AMBRA1: variants seen among roughly 807,000 people sequenced by gnomAD.
AMBRA1 encodes activating molecule in BECN1-regulated autophagy protein 1.
AMBRA1 carries 47 observed loss-of-function variants against 125.4 expected under a neutral mutation model. That is an observed-to-expected ratio of 0.37 (90% CI 0.30 to 0.48). The LOEUF is 0.48. Among genes scored for constraint, AMBRA1 ranks in the 20% least tolerant of loss-of-function variants. The probability of loss-of-function intolerance (pLI) is 0.99; values close to 1 mark genes in which losing one functional copy is unlikely to be tolerated. For missense variants in AMBRA1, 1,331 were observed against 1,693.4 expected (o/e 0.79, Z 3.76); for synonymous variants, 626 against 655.5 (o/e 0.95, Z 0.69).
At chr11:46,591,625 G>T (rs983184180) in intron 1 of AMBRA1, among the ~76,000 whole-genome samples, 4 of 152,078 alleles carry the variant, frequency 2.6e-5, no homozygotes, top group African/African-American at 9.7e-5. Flanking sequence ...GGGAGGCCAA[G>T]GCAGGTGGAT....
intron 13 of AMBRA1, among the ~76,000 whole-genome samples, chr11:46,434,589 T>A (rs1438108249): frequency 6.6e-6 from 1 of 152,228 alleles, no homozygotes; most frequent in East Asian, 1.9e-4. Context: ...TGTCTTGCAG[T>A]GCATGTGTGT....
intron 11 of AMBRA1, among the ~76,000 whole-genome samples, chr11:46,492,731 ATC>A (rs1482494314): frequency 1.3e-5 from 2 of 152,210 alleles, no homozygotes; most frequent in African/African-American, 4.8e-5. Context: ...GCCGAAAAAC[ATC>A]TGTCACTAAG....
chr11:46,543,434 CAAGG>C, intron 6 of AMBRA1, 36 bp from the exon 7 acceptor site: 1 of 1,599,134 alleles, frequency 6.3e-7, no homozygotes, highest in Non-Finnish European at 8.5e-7. Context: ...GGGGGTAGAG[CAAGG>C]CAGTTAGGTA....
intron 11 of AMBRA1, among the ~76,000 whole-genome samples, chr11:46,470,839 T>G (rs1358463143): frequency 6.6e-6 from 1 of 152,160 alleles, no homozygotes; most frequent in Admixed American, 6.6e-5. Context: ...AGACAAATAT[T>G]TGAGTATCTA....
At chr11:46,561,254 G>A (rs959225532) in intron 1 of AMBRA1, among the ~76,000 whole-genome samples, 2 of 151,956 alleles carry the variant, frequency 1.3e-5, no homozygotes, top group East Asian at 1.9e-4. Flanking sequence ...GGTGTCACGC[G>A]CCTGTAATCC....
chr11:46,545,516 C>T, intron 5 of AMBRA1, 88 bp downstream of exon 5: 1 of 1,492,156 alleles, frequency 6.7e-7, no homozygotes, highest in East Asian at 2.3e-5. Context: ...GCAGGGATAA[C>T]AACCTGACTT....
intron 11 of AMBRA1, among the ~76,000 whole-genome samples, chr11:46,463,208 T>A (rs1382897663): frequency 6.6e-6 from 1 of 152,178 alleles, no homozygotes; most frequent in East Asian, 1.9e-4. Context: ...CATTATTCAC[T>A]CCACTTGAGG....
At chr11:46,534,864 G>A (rs1952392696) in intron 7 of AMBRA1, among the ~76,000 whole-genome samples, 1 of 152,180 alleles carries the variant, frequency 6.6e-6, no homozygotes. Flanking sequence ...TGTAGAGATA[G>A]GGTTTCACCA....
In AMBRA1 at chr11:46,543,161, CG is replaced by C. The variant is rs1198982885; in HGVS notation, c.855del (p.Ala286LeufsTer80). 6.4e-7 allele frequency: 1 copy of C among 1,556,288 alleles called. No individual in the cohort carries two copies. On this transcript the variant is annotated frameshift_variant, in exon 7 of 18. Coordinates refer to ENST00000683756, the MANE Select transcript of AMBRA1 (RefSeq NM_001387011.1). LOFTEE classifies it high-confidence loss of function. The part of the protein sequence containing the change: ...PQPSTERPRT[S>X]AYIRLRQRVS... Reference sequence around the variant, plus strand: ...ACCCGCTGTCGGAGCCTGATGTAAGCGGAAGTCCTGGGGCGCTCCGTGGAGG... The same window carrying C: ...ACCCGCTGTCGGAGCCTGATGTAAGCGAAGTCCTGGGGCGCTCCGTGGAGG...
chr11:46,519,793 A>G (rs1951677690), intron 7 of AMBRA1, among the ~76,000 whole-genome samples: 1 of 152,136 alleles, frequency 6.6e-6, no homozygotes, highest in African/African-American at 2.4e-5. Flanking sequence ...GATATACTAT[A>G]TGCTCTAGTC....
intron 11 of AMBRA1, among the ~76,000 whole-genome samples, chr11:46,490,416 T>C (rs1950419489): frequency 6.6e-6 from 1 of 152,242 alleles, no homozygotes; most frequent in Admixed American, 6.5e-5. Flanking sequence ...TTTAATATTT[T>C]AAAAATTCTT....
chr11:46,413,082 C>T (rs1412037599), intron 15 of AMBRA1, among the ~76,000 whole-genome samples: 1 of 152,208 alleles, frequency 6.6e-6, no homozygotes. Context: ...AACCTTCCTT[C>T]CTACCTCAGA....
intron 13 of AMBRA1, among the ~76,000 whole-genome samples, 167 bp downstream of exon 13, chr11:46,434,682 G>A (rs1378739370): frequency 6.6e-6 from 1 of 152,206 alleles, no homozygotes; most frequent in Non-Finnish European, 1.5e-5. Context: ...CTTCTGCAAT[G>A]TTACTAGCCA....
chr11:46,401,037 G>A (rs973860390), intron 17 of AMBRA1, among the ~76,000 whole-genome samples: 1 of 152,098 alleles, frequency 6.6e-6, no homozygotes, highest in East Asian at 1.9e-4. Context: ...GTCAACCTAC[G>A]GCCTTGGTGC....
chr11:46,397,606 G>T lies in AMBRA1; in HGVS notation c.3741C>A (p.Thr1247=). The change falls in exon 18 of 18, where the codon ACC becomes ACA. Residue 1247 remains threonine, a synonymous_variant. Coordinates refer to ENST00000683756, the MANE Select transcript of AMBRA1 (RefSeq NM_001387011.1). ...TGGGGACAGGGGAGGAAGAGGGCAG[G>T]GTTGGCTGGGTTGGCTCCCGCCCAG... ...GTPGREPTQP[T]LPSSSPVPIP... 4.4e-6 allele frequency: 7 copies of T among 1,609,178 alleles called. No individual in the cohort carries two copies. Among genetic ancestry groups the T allele is most frequent in the Non-Finnish European group, 5.9e-6 (7 of 1,177,082 alleles).
intron 1 of AMBRA1, among the ~76,000 whole-genome samples, chr11:46,587,072 G>A (rs2044428342): frequency 6.6e-6 from 1 of 152,088 alleles, no homozygotes; most frequent in Non-Finnish European, 1.5e-5. Context: ...ATTTGCTTCA[G>A]CTCATTTTAA....
intron 12 of AMBRA1, among the ~76,000 whole-genome samples, chr11:46,441,154 GA>G (rs1435508835): frequency 6.6e-6 from 1 of 152,176 alleles, no homozygotes; most frequent in African/African-American, 2.4e-5. Context: ...TGAGAGGCAG[GA>G]AAAAGAAACT....
intron 14 of AMBRA1, among the ~76,000 whole-genome samples, chr11:46,421,900 T>A (rs913960756): frequency 3.9e-5 from 6 of 152,192 alleles, no homozygotes; most frequent in Non-Finnish European, 8.8e-5. Flanking sequence ...TCATCAGTAC[T>A]GACAAAGACA....
At position 46,442,482 on chromosome 11, in the gene AMBRA1, G is replaced by A. The variant is rs1235351630; in HGVS notation, c.2632+1006C>T. 2.6e-5 allele frequency among the ~76,000 whole-genome samples: 4 copies of A among 152,116 alleles called. 1 individual carries two copies. The South Asian group carries it at 6.2e-4, about 24-fold the overall frequency. On this transcript the variant is annotated intron_variant, in intron 12 of 17. Transcript: ENST00000683756. Reference sequence around the variant, plus strand: ...ACACAAATCTAGCAGTGATGGTCAGGCCACCTTGTCAGTGTGGTCTATCAT... The same window carrying A: ...ACACAAATCTAGCAGTGATGGTCAGACCACCTTGTCAGTGTGGTCTATCAT...
Sources: allele counts gnomAD v4.1 joint callset (sites outside exome capture counted in the v4.1 genomes callset), GRCh38; gene constraint gnomAD v4.1.1; transcripts MANE v1.5; gene names NCBI Gene and HGNC (gene_info 2026-07-23, HGNC 2026-07-21).